ATP9B: variants seen among roughly 807,000 people sequenced by gnomAD.
ATP9B encodes the protein ATPase phospholipid transporting 9B.
A neutral mutation model predicts 146.1 loss-of-function variants in ATP9B; 110 were observed. The ratio of observed to expected loss-of-function variants is 0.75; its 90% CI spans 0.65 to 0.88. The LOEUF (loss-of-function observed/expected upper bound fraction) is 0.88, where lower values mean the gene tolerates loss of function less well. ATP9B is among the 40% of genes least tolerant of loss of function. The probability of loss-of-function intolerance (pLI) is 0.00; values close to 1 mark genes in which losing one functional copy is unlikely to be tolerated. For synonymous variants in ATP9B, 604 were observed against 569.7 expected (o/e 1.06, Z -0.86); for missense variants, 1,499 against 1,496.4 (o/e 1.00, Z -0.03).
At chr18:79,338,460 T>C (rs1003666921) in intron 19 of ATP9B, among the ~76,000 whole-genome samples, 4 of 152,206 alleles carry the variant, frequency 2.6e-5, no homozygotes, top group Non-Finnish European at 5.9e-5. Context: ...GTGCCCACCT[T>C]CCCTGAACTC....
At chr18:79,365,432 A>C (rs2097020872) in intron 26 of ATP9B, among the ~76,000 whole-genome samples, 1 of 152,240 alleles carries the variant, frequency 6.6e-6, no homozygotes, top group African/African-American at 2.4e-5. Context: ...GCCTCTTCGG[A>C]AGACAGTTTG....
intron 11 of ATP9B, among the ~76,000 whole-genome samples, chr18:79,231,927 ACAT>A (rs913107394): frequency 6.6e-6 from 1 of 152,006 alleles, no homozygotes; most frequent in African/African-American, 2.4e-5. Flanking sequence ...AGAAAAGCAA[ACAT>A]CATCTGTTCT....
intron 7 of ATP9B, among the ~76,000 whole-genome samples, chr18:79,171,370 T>C (rs1187479700): frequency 6.6e-6 from 1 of 152,220 alleles, no homozygotes; most frequent in East Asian, 1.9e-4. Flanking sequence ...TTGAGTTATA[T>C]AGATACATAT....
intron 19 of ATP9B, among the ~76,000 whole-genome samples, chr18:79,341,990 A>G (rs180864886): frequency 9.2e-5 from 14 of 152,318 alleles, no homozygotes; most frequent in African/African-American, 3.4e-4. Flanking sequence ...ACCTCATGGA[A>G]ATGGGATCAT....
At chr18:79,346,436 T>TGCTCAGCGCACAGTCAGCACAC (rs2096888202) in intron 23 of ATP9B, among the ~76,000 whole-genome samples, 1 of 151,230 alleles carries the variant, frequency 6.6e-6, no homozygotes, top group East Asian at 2.0e-4. Context: ...CGTCAGCACG[T>TGCTCAGCGCACAGTCAGCACAC]GCTCAGCGCA....
At chr18:79,222,689 T>C (rs2095691995) in intron 11 of ATP9B, among the ~76,000 whole-genome samples, 1 of 152,228 alleles carries the variant, frequency 6.6e-6, no homozygotes, top group Non-Finnish European at 1.5e-5. Context: ...TCCCGCCTCC[T>C]AGTGCTTATG....
In ATP9B at chr18:79,176,804, A is replaced by G. The variant is rs750316592; in HGVS notation, c.779-9A>G. ...CAAGAGTGGTAAATTTTTATTCTCT[A>G]CTTCCAAGGTTCGTGTTTTATTCGA... On this transcript the variant is annotated splice_polypyrimidine_tract_variant and intron_variant, in intron 7 of 29. Transcript: ENST00000426216. 5.0e-6 allele frequency: 8 copies of G among 1,612,824 alleles called. No individual in the cohort carries two copies. The highest frequency in any genetic ancestry group is 6.8e-6 in the Non-Finnish European group (8 of 1,178,968).
intron 25 of ATP9B, chr18:79,353,518 G>A (rs1215072451): frequency 6.6e-6 from 1 of 152,332 alleles, no homozygotes; most frequent in Non-Finnish European, 1.5e-5. Flanking sequence ...CGCTCGGCAA[G>A]GTGGGCGAGT....
At chr18:79,331,787 T>G (rs891173422) in intron 17 of ATP9B, among the ~76,000 whole-genome samples, 1 of 152,206 alleles carries the variant, frequency 6.6e-6, no homozygotes, top group Non-Finnish European at 1.5e-5. Context: ...TAAGAATATG[T>G]AAGTCTGTGA....
chr18:79,082,905 G>T (rs2073417112), intron 1 of ATP9B, among the ~76,000 whole-genome samples: 1 of 152,218 alleles, frequency 6.6e-6, no homozygotes, highest in African/African-American at 2.4e-5. Context: ...TGAGGAGGCA[G>T]TCTGTCCCTT....
chr18:79,281,975 T>C (rs1214147728), intron 13 of ATP9B, among the ~76,000 whole-genome samples: 1 of 152,218 alleles, frequency 6.6e-6, no homozygotes, highest in Non-Finnish European at 1.5e-5. Flanking sequence ...TCAGCATTCA[T>C]ACAGGTTTGG....
intron 1 of ATP9B, chr18:79,085,083 T>A (rs185445479): frequency 6.6e-6 from 1 of 151,858 alleles, no homozygotes; most frequent in Admixed American, 6.6e-5. Context: ...CTGCTTCTGG[T>A]GAGGCCTCAG....
At chr18:79,370,273 A>C (rs189773084) in intron 26 of ATP9B, among the ~76,000 whole-genome samples, 65 of 152,234 alleles carry the variant, frequency 4.3e-4, no homozygotes, top group African/African-American at 1.6e-3. Context: ...GGCTCATTTT[A>C]TTTCATGCAC....
At chr18:79,212,091 C>T (rs2095589386) in intron 10 of ATP9B, among the ~76,000 whole-genome samples, 1 of 152,160 alleles carries the variant, frequency 6.6e-6, no homozygotes, top group African/African-American at 2.4e-5. Context: ...AGGTTTTACT[C>T]AGTCTTTTAG....
In ATP9B at chr18:79,073,738, A is replaced by G. The variant is rs186904405; in HGVS notation, c.119+4209A>G. Among the ~76,000 whole-genome samples, 384 of 152,344 alleles carry G rather than the reference A, an allele frequency of 2.5e-3. 1 individual carries two copies. The highest frequency in any genetic ancestry group is 4.4e-3 in the South Asian group (21 of 4,822). On this transcript the variant is annotated intron_variant, in intron 1 of 29. Coordinates refer to ENST00000426216, the MANE Select transcript of ATP9B (RefSeq NM_198531.5). ...CTCTGTTATCTCCACTCTATTCTCA[A>G]TCTCATCCAGTGAGGTTTTATTTCT...
chr18:79,346,800 G>A (rs931826481), intron 23 of ATP9B, among the ~76,000 whole-genome samples: 1 of 152,148 alleles, frequency 6.6e-6, no homozygotes. Context: ...CGGTGAATGC[G>A]CACTTGGTCA....
intron 13 of ATP9B, among the ~76,000 whole-genome samples, chr18:79,303,097 C>T (rs1004802505): frequency 6.6e-6 from 1 of 152,140 alleles, no homozygotes; most frequent in Admixed American, 6.5e-5. Context: ...TTAGAGGCTG[C>T]GTGTGCAGTG....
At chr18:79,159,182 G>A (rs1232346999) in intron 7 of ATP9B, among the ~76,000 whole-genome samples, 1 of 152,128 alleles carries the variant, frequency 6.6e-6, no homozygotes, top group African/African-American at 2.4e-5. Context: ...ATTGCATCAT[G>A]ATTTTTCATT....
At chr18:79,136,006 G>A (rs1010094855) in intron 5 of ATP9B, among the ~76,000 whole-genome samples, 9 of 151,912 alleles carry the variant, frequency 5.9e-5, no homozygotes, top group South Asian at 2.1e-4. Context: ...TGCTCTTTTG[G>A]TTACTGTTGC....
Sources: gnomAD v4.1 joint callset for allele counts (sites outside exome capture counted in the v4.1 genomes callset) on GRCh38, gnomAD v4.1.1 for gene constraint, MANE v1.5 for transcripts, NCBI Gene and HGNC (gene_info 2026-07-23, HGNC 2026-07-21) for gene names.